TRIM42: variants seen among roughly 807,000 people sequenced by gnomAD.
TRIM42 encodes tripartite motif containing 42.
A neutral mutation model predicts 64.9 loss-of-function variants in TRIM42; 59 were observed. The ratio of observed to expected loss-of-function variants is 0.91; its 90% CI spans 0.74 to 1.13. The LOEUF (loss-of-function observed/expected upper bound fraction) is 1.13, where lower values mean the gene tolerates loss of function less well. Among genes scored for constraint, TRIM42 ranks in the 50% most tolerant of loss-of-function variants. TRIM42 has a pLI of 0.00. For synonymous variants in TRIM42, 354 were observed against 346.3 expected (o/e 1.02, Z -0.25); for missense variants, 878 against 929.5 (o/e 0.94, Z 0.72).
rs772486007 is a variant in TRIM42, at chr3:140,678,382, G to A, written c.153G>A (p.Gln51=). 1.2e-6 allele frequency: 2 copies of A among 1,614,074 alleles called. No individual in the cohort carries two copies. Among genetic ancestry groups the A allele is most frequent in the East Asian group, 2.2e-5 (1 of 44,894 alleles). The change falls in exon 1 of 5, where the codon CAG becomes CAA. Residue 51 remains glutamine, a synonymous_variant. Coordinates refer to ENST00000286349, the MANE Select transcript of TRIM42 (RefSeq NM_152616.5). The part of the protein sequence containing the change: ...PCPYKDERNC[Q]FCHCTCSESP... ...CTTACAAAGATGAGCGGAACTGCCA[G>A]TTCTGCCACTGCACCTGTTCTGAGA...
chr3:140,689,591 G>A (rs144676516), intron 3 of TRIM42, among the ~76,000 whole-genome samples: 11 of 152,032 alleles, frequency 7.2e-5, no homozygotes, highest in Admixed American at 6.5e-4. Context: ...AACAAATGAA[G>A]GCCAGATACA....
chr3:140,678,901 C>T (rs1369832748), intron 1 of TRIM42, among the ~76,000 whole-genome samples: 3 of 152,182 alleles, frequency 2.0e-5, no homozygotes, highest in African/African-American at 7.2e-5. Flanking sequence ...CAGCTAACCC[C>T]TCACCCTAAG....
intron 1 of TRIM42, among the ~76,000 whole-genome samples, chr3:140,680,179 G>A (rs565656776): frequency 2.0e-5 from 3 of 152,190 alleles, no homozygotes; most frequent in Admixed American, 6.5e-5. Flanking sequence ...TGAATGCCCC[G>A]TCCAAGCCTG....
At chr3:140,691,335 A>C in intron 4 of TRIM42, 143 bp downstream of exon 4, 1 of 717,554 alleles carries the variant, frequency 1.4e-6, no homozygotes, top group Non-Finnish European at 2.3e-6. Context: ...TTGAGGCCAA[A>C]GAGAGGGCTG....
At chr3:140,697,510 C>A (rs967447950) in intron 4 of TRIM42, among the ~76,000 whole-genome samples, 3 of 152,140 alleles carry the variant, frequency 2.0e-5, no homozygotes, top group African/African-American at 4.8e-5. Flanking sequence ...CCAGACTCTG[C>A]CTTTGTATGT....
chr3:140,689,912 G>C (rs1988662473), intron 3 of TRIM42, among the ~76,000 whole-genome samples: 2 of 151,774 alleles, frequency 1.3e-5, no homozygotes, highest in South Asian at 4.2e-4. Flanking sequence ...TCAGAGGATT[G>C]CTAGTATCTG....
chr3:140,688,390 G>A lies in TRIM42; in HGVS notation c.1708G>A (p.Gly570Ser), dbSNP rs746925342. Residue 570 changes from glycine (G) to serine (S), a missense_variant, in exon 3 of 5, where the codon GGC (glycine) becomes AGC (serine). By Grantham distance (56) the Gly-to-Ser change is moderately conservative (BLOSUM62 0). Transcript: ENST00000286349. The stretch of plus-strand genomic sequence containing the variant: ...AGCCACCCCCGCCAAACCCACAGAC[G>A]GCCTCTACACCTACTGGAGTGCTGG... ...QSATPAKPTD[G>S]LYTYWSAGAD... The A allele has an allele frequency of 1.7e-5, 27 of 1,614,024 alleles. No individual in the cohort carries two copies. Among genetic ancestry groups the A allele is most frequent in the Admixed American group, 3.3e-5 (2 of 60,008 alleles).
intron 4 of TRIM42, among the ~76,000 whole-genome samples, chr3:140,692,562 C>CACACACACACACAGAGAG (rs375439126): frequency 5.6e-4 from 64 of 114,198 alleles, no homozygotes; most frequent in African/African-American, 1.8e-3. Context: ...CACACACACA[C>CACACACACACACAGAGAG]AGAGAGAGAT....
At chr3:140,695,954 G>A (rs183108869) in intron 4 of TRIM42, among the ~76,000 whole-genome samples, 21 of 152,250 alleles carry the variant, frequency 1.4e-4, no homozygotes, top group Non-Finnish European at 2.2e-4. Flanking sequence ...TAAAGAGCTC[G>A]TGACCTTTCA....
Position 140,696,952 on chromosome 3 carries a change from T to C in TRIM42, c.2086-3936T>C, listed in dbSNP as rs1576422343. On this transcript the variant is annotated intron_variant, in intron 4 of 4. Transcript: ENST00000286349. ...ACATATGAGTGAAATTTCTAGGCCATTGACATGTGGGTACTTAATTTGACC... is the reference window on the plus strand; with the variant it reads ...ACATATGAGTGAAATTTCTAGGCCACTGACATGTGGGTACTTAATTTGACC... Among the ~76,000 whole-genome samples the C allele has an allele frequency of 2.0e-5, 3 of 152,264 alleles. No individual in the cohort carries two copies. In the East Asian group the frequency reaches 5.8e-4, roughly 29 times the overall value.
intron 3 of TRIM42, 65 bp downstream of exon 3, chr3:140,688,607 G>C: frequency 7.4e-7 from 1 of 1,347,682 alleles, no homozygotes; most frequent in Non-Finnish European, 1.0e-6. Flanking sequence ...GAAGTGAGTA[G>C]TCAGGAAAGG....
intron 3 of TRIM42, among the ~76,000 whole-genome samples, chr3:140,689,234 C>T (rs112273665): frequency 0.034 from 5,220 of 152,236 alleles, 135 homozygotes; most frequent in Non-Finnish European, 0.049. Flanking sequence ...TGAACCCACA[C>T]GGAATTGTTT....
chr3:140,680,526 C>T (rs542890084), intron 1 of TRIM42: 3 of 201,040 alleles, frequency 1.5e-5, no homozygotes, highest in African/African-American at 7.1e-5. Context: ...CATGAGCTTC[C>T]TAGTAGAGAT....
intron 1 of TRIM42, among the ~76,000 whole-genome samples, chr3:140,680,129 G>A (rs141682632): frequency 1.2e-4 from 19 of 152,222 alleles, no homozygotes; most frequent in South Asian, 6.2e-4. Context: ...AGATAAAAGC[G>A]CTGGGCTTGA....
intron 1 of TRIM42, chr3:140,680,539 C>A: frequency 4.2e-6 from 1 of 238,898 alleles, no homozygotes; most frequent in Non-Finnish European, 6.8e-6. Flanking sequence ...GTAGAGATAC[C>A]TCCTGTGAAG....
intron 2 of TRIM42, among the ~76,000 whole-genome samples, chr3:140,683,688 A>G (rs1209537139): frequency 6.6e-6 from 1 of 152,188 alleles, no homozygotes; most frequent in Admixed American, 6.5e-5. Context: ...ATTTCCCTCC[A>G]TGAATTTTTT....
At chr3:140,690,828 A>G in intron 3 of TRIM42, 140 bp from the exon 4 acceptor site, 1 of 646,354 alleles carries the variant, frequency 1.5e-6, no homozygotes, top group Admixed American at 2.6e-5. Context: ...TGCATGGTCT[A>G]ATTAAAAGTC....
intron 3 of TRIM42, among the ~76,000 whole-genome samples, chr3:140,688,921 T>C (rs951245268): frequency 1.1e-4 from 17 of 152,236 alleles, no homozygotes; most frequent in African/African-American, 4.1e-4. Flanking sequence ...GCACAGAAAT[T>C]GTACTTAGAA....
chr3:140,681,688 T>C (rs1440348436), intron 1 of TRIM42, among the ~76,000 whole-genome samples: 1 of 152,046 alleles, frequency 6.6e-6, no homozygotes, highest in Non-Finnish European at 1.5e-5. Context: ...TTGGACAAGA[T>C]TGAATTTATT....
Sources: allele counts gnomAD v4.1 joint callset (sites outside exome capture counted in the v4.1 genomes callset), GRCh38; gene constraint gnomAD v4.1.1; transcripts MANE v1.5; gene names NCBI Gene and HGNC (gene_info 2026-07-23, HGNC 2026-07-21).